Variants in PRKG2 observed in about 807,000 individuals in gnomAD.
The protein encoded by PRKG2 is cGMP-dependent protein kinase 2.
A neutral mutation model predicts 97.2 loss-of-function variants in PRKG2; 33 were observed. That is an observed-to-expected ratio of 0.34 (90% CI 0.26 to 0.45). The LOEUF (loss-of-function observed/expected upper bound fraction) is 0.45, where lower values mean the gene tolerates loss of function less well. PRKG2 is among the 20% of genes least tolerant of loss of function. PRKG2 has a pLI of 1.00. For missense variants in PRKG2, 638 were observed against 900.0 expected, an observed-to-expected ratio of 0.71 and a Z score of 3.73; for synonymous variants, 330 against 321.8, an observed-to-expected ratio of 1.03 and a Z score of -0.27.
intron 6 of PRKG2, among the ~76,000 whole-genome samples, chr4:81,156,143 TAA>T (rs1304431524): frequency 6.6e-6 from 1 of 152,158 alleles, no homozygotes; most frequent in Admixed American, 6.5e-5. Context: ...GCAAATTGGA[TAA>T]AGAGTCAAGA....
At chr4:81,113,576 T>G (rs995417114) in intron 14 of PRKG2, among the ~76,000 whole-genome samples, 2 of 152,114 alleles carry the variant, frequency 1.3e-5, no homozygotes, top group Non-Finnish European at 1.5e-5. Flanking sequence ...CATTCAGAAA[T>G]AGAAAAATTT....
At chr4:81,185,024 G>A (rs1428342926) in intron 2 of PRKG2, among the ~76,000 whole-genome samples, 1 of 152,150 alleles carries the variant, frequency 6.6e-6, no homozygotes, top group Non-Finnish European at 1.5e-5. Context: ...AAAGTGATGG[G>A]GAGAATGGAA....
intron 14 of PRKG2, among the ~76,000 whole-genome samples, chr4:81,115,630 A>C (rs916676783): frequency 1.3e-5 from 2 of 152,196 alleles, no homozygotes; most frequent in Non-Finnish European, 2.9e-5. Context: ...AGCCAGAAAG[A>C]GTGCATAAAG....
At chr4:81,201,360 C>T (rs1753304289) in intron 2 of PRKG2, among the ~76,000 whole-genome samples, 1 of 152,134 alleles carries the variant, frequency 6.6e-6, no homozygotes, top group African/African-American at 2.4e-5. Context: ...ACTTCCATCA[C>T]TGAAGAAAGT....
chr4:81,142,218 A>G (rs1747364160), intron 11 of PRKG2, among the ~76,000 whole-genome samples: 1 of 152,222 alleles, frequency 6.6e-6, no homozygotes, highest in Non-Finnish European at 1.5e-5. Flanking sequence ...GTAAGTTCCC[A>G]GATATCCTGA....
intron 7 of PRKG2, among the ~76,000 whole-genome samples, chr4:81,153,270 CT>C (rs1349295751): frequency 6.6e-6 from 1 of 152,196 alleles, no homozygotes; most frequent in Non-Finnish European, 1.5e-5. Flanking sequence ...CCACCTGCTA[CT>C]TGTCATATCT....
intron 6 of PRKG2, among the ~76,000 whole-genome samples, chr4:81,164,165 T>C (rs566468226): frequency 6.6e-6 from 1 of 152,288 alleles, no homozygotes; most frequent in Admixed American, 6.5e-5. Flanking sequence ...GAGCCAATCA[T>C]ATAGAATTCT....
At chr4:81,177,100 T>C (rs1424192520) in intron 2 of PRKG2, among the ~76,000 whole-genome samples, 1 of 152,172 alleles carries the variant, frequency 6.6e-6, no homozygotes, top group Admixed American at 6.5e-5. Flanking sequence ...CCAAACCTTA[T>C]ACATTCACCA....
intron 8 of PRKG2, 86 bp downstream of exon 8, chr4:81,151,874 G>T: frequency 9.6e-7 from 1 of 1,038,382 alleles, no homozygotes; most frequent in Non-Finnish European, 1.4e-6. Context: ...TAACTTGGTA[G>T]CTCAATTTAA....
chr4:81,134,300 A>T (rs557006834), intron 14 of PRKG2, among the ~76,000 whole-genome samples: 2 of 152,226 alleles, frequency 1.3e-5, no homozygotes, highest in African/African-American at 4.8e-5. Context: ...TTAGCATAGT[A>T]GCTTTAAATA....
intron 6 of PRKG2, among the ~76,000 whole-genome samples, chr4:81,158,583 T>A (rs1288980105): frequency 6.6e-6 from 1 of 151,978 alleles, no homozygotes; most frequent in East Asian, 1.9e-4. Flanking sequence ...TCTTCACAGA[T>A]TTGGAAAAAA....
At chr4:81,145,402 A>G (rs1747761472) in intron 9 of PRKG2, among the ~76,000 whole-genome samples, 1 of 152,158 alleles carries the variant, frequency 6.6e-6, no homozygotes, top group Non-Finnish European at 1.5e-5. Context: ...CAAGAATAAA[A>G]TTTATCTCTT....
intron 6 of PRKG2, among the ~76,000 whole-genome samples, chr4:81,154,458 G>C (rs1407059034): frequency 4.0e-5 from 6 of 150,362 alleles, no homozygotes; most frequent in Admixed American, 1.3e-4. Context: ...GTGGGTCCCT[G>C]ACCCTGACCC....
At chr4:81,125,327 A>G (rs1334880057) in intron 14 of PRKG2, among the ~76,000 whole-genome samples, 2 of 152,176 alleles carry the variant, frequency 1.3e-5, no homozygotes, top group Non-Finnish European at 2.9e-5. Flanking sequence ...TGTTTTTCTC[A>G]GAGACGACCA....
chr4:81,152,138 A>G, intron 7 of PRKG2, 84 bp from the exon 8 acceptor site: 1 of 1,003,714 alleles, frequency 1.0e-6, no homozygotes, highest in South Asian at 1.4e-5. Flanking sequence ...CAAACCCTCT[A>G]GACCTATATA....
At chr4:81,129,809 T>C (rs547411658) in intron 14 of PRKG2, among the ~76,000 whole-genome samples, 19 of 152,212 alleles carry the variant, frequency 1.2e-4, no homozygotes, top group Non-Finnish European at 2.4e-4. Flanking sequence ...TGTCTTTTAA[T>C]TGGGGCATTT....
At chr4:81,118,567 T>C (rs1398146142) in intron 14 of PRKG2, among the ~76,000 whole-genome samples, 3 of 152,238 alleles carry the variant, frequency 2.0e-5, no homozygotes, top group Non-Finnish European at 4.4e-5. Context: ...ACATCTTTCA[T>C]ATGCTTATTT....
At chr4:81,120,352 A>G (rs1234175156) in intron 14 of PRKG2, among the ~76,000 whole-genome samples, 1 of 152,192 alleles carries the variant, frequency 6.6e-6, no homozygotes. Context: ...CAATTCATGA[A>G]TCACTCATTG....
chr4:81,093,624 T>C (rs1741824360), intron 17 of PRKG2, among the ~76,000 whole-genome samples: 1 of 152,202 alleles, frequency 6.6e-6, no homozygotes, highest in South Asian at 2.1e-4. Context: ...TGTTGAGTGA[T>C]TGAATGACTC....
Sources: allele counts gnomAD v4.1 joint callset (sites outside exome capture counted in the v4.1 genomes callset), GRCh38; gene constraint gnomAD v4.1.1; transcripts MANE v1.5; gene names NCBI Gene and HGNC (gene_info 2026-07-23, HGNC 2026-07-21).